The following TYK2 variants were observed in gnomAD, a reference collection of about 807,000 sequenced individuals.
The protein encoded by TYK2 is non-receptor tyrosine-protein kinase TYK2.
In TYK2, 65 loss-of-function variants were observed where a neutral mutation model predicts 130.9. The observed-to-expected ratio is 0.50, with a 90% confidence interval of 0.41 to 0.61. The LOEUF is 0.61. Among genes scored for constraint, TYK2 ranks in the 20% least tolerant of loss-of-function variants. TYK2 has a pLI of 0.00. For missense variants in TYK2, 1,378 were observed against 1,610.7 expected, an observed-to-expected ratio of 0.86 and a Z score of 2.47; for synonymous variants, 647 against 658.9, an observed-to-expected ratio of 0.98 and a Z score of 0.28.
chr19:10,368,114 G>A lies in TYK2; in HGVS notation c.406C>T (p.Gln136Ter). ...AGGAGTTGCATCCCCTGTGCTGTCT[G>A]ATCTGAGGATGCCTCGGTTCCTGGG... Reference protein sequence around the residue: ...GPPGTEASSDQTAQGMQLLDP... With the variant: ...GPPGTEASSD The change falls in exon 5 of 25, where the codon CAG (glutamine) becomes TAG (stop). Residue 136 changes from glutamine to a stop codon, truncating the protein, a stop_gained. Transcript: ENST00000525621. LOFTEE classifies it high-confidence loss of function. 6.2e-7 allele frequency: 1 copy of A among 1,614,088 alleles called. No individual in the cohort carries two copies. The highest frequency in any genetic ancestry group is 8.5e-7 in the Non-Finnish European group (1 of 1,180,022).
intron 9 of TYK2, among the ~76,000 whole-genome samples, chr19:10,363,187 C>CT (rs942594471): frequency 0.12 from 15,307 of 127,636 alleles, 1,107 homozygotes; most frequent in Non-Finnish European, 0.14. Flanking sequence ...CCTGATCTCT[C>CT]TTTTTTTTTT....
At chr19:10,378,837 CTT>C (rs1568347761) in intron 2 of TYK2, among the ~76,000 whole-genome samples, 248 of 17,428 alleles carry the variant, frequency 0.014, no homozygotes, top group South Asian at 0.1. Flanking sequence ...TATTTTATAT[CTT>C]ATCTTATCTT....
chr19:10,352,267 T>G (rs2040845692), intron 23 of TYK2, among the ~76,000 whole-genome samples, 167 bp downstream of exon 23: 1 of 150,932 alleles, frequency 6.6e-6, no homozygotes, highest in Admixed American at 6.6e-5. Flanking sequence ...TAGAGACGGG[T>G]TTCACCGTGT....
intron 14 of TYK2, among the ~76,000 whole-genome samples, chr19:10,360,096 T>A (rs900514023): frequency 3.3e-5 from 5 of 151,264 alleles, no homozygotes; most frequent in African/African-American, 1.2e-4. Context: ...GCAGGAGAAT[T>A]GCTTGAACCC....
chr19:10,362,187 G>A lies in TYK2; in HGVS notation c.1670-6C>T. 6.2e-7 allele frequency: 1 copy of A among 1,614,010 alleles called. No homozygotes were observed. The highest frequency in any genetic ancestry group is 1.1e-5 in the South Asian group (1 of 91,082). On this transcript the variant is annotated splice_polypyrimidine_tract_variant and splice_region_variant and intron_variant, in intron 11 of 24. Transcript: ENST00000525621. The stretch of plus-strand genomic sequence containing the variant: ...GATGATGAGATTGGAGGTTTCTGGG[G>A]GCAGGCATCAAGTCATGGAGGGCGG...
At chr19:10,376,947 G>C (rs2042142400) in intron 3 of TYK2, among the ~76,000 whole-genome samples, 1 of 151,642 alleles carries the variant, frequency 6.6e-6, no homozygotes, top group Non-Finnish European at 1.5e-5. Context: ...TGTCACCCAG[G>C]CTGGAGTGCA....
chr19:10,362,151 G>GC lies in TYK2; in HGVS notation c.1699dup (p.Ala567GlyfsTer19), dbSNP rs766752133. On this transcript the variant is annotated frameshift_variant, in exon 12 of 25. Coordinates refer to ENST00000525621, the MANE Select transcript of TYK2 (RefSeq NM_003331.5). LOFTEE classifies it high-confidence loss of function. Reference sequence around the variant, plus strand: ...GTTGAGTGTCCTGGGGCTGGCCCGAGCCCCCCGCATGATGATGAGATTGGA... The same window carrying GC: ...GTTGAGTGTCCTGGGGCTGGCCCGAGCCCCCCCGCATGATGATGAGATTGGA... The GC allele has an allele frequency of 1.9e-6, 3 of 1,613,984 alleles. No homozygotes were observed. Among genetic ancestry groups the GC allele is most frequent in the African/African-American group, 1.3e-5 (1 of 75,024 alleles).
intron 5 of TYK2, 65 bp downstream of exon 5, chr19:10,367,990 T>C (rs976631956): frequency 5.1e-6 from 8 of 1,583,942 alleles, no homozygotes; most frequent in Non-Finnish European, 6.9e-6. Flanking sequence ...GGGAGGGAAA[T>C]GGGGGCTCCT....
Position 10,354,058 on chromosome 19 carries a change from G to T in TYK2, c.2892C>A (p.Gly964=). 1 of 1,614,108 alleles carries T rather than the reference G, an allele frequency of 6.2e-7. No individual in the cohort carries two copies. Residue 964 remains glycine (G), a synonymous_variant, in exon 20 of 25, where the codon GGC becomes GGA. Coordinates refer to ENST00000525621, the MANE Select transcript of TYK2 (RefSeq NM_003331.5). ...LYHEHIIKYK[G]CCEDQGEKSL... ...CCCGCCCACCTTGGTCCTCGCAGCAGCCCTTGTACTTGATGATGTGCTCGT... is the reference window on the plus strand; with the variant it reads ...CCCGCCCACCTTGGTCCTCGCAGCATCCCTTGTACTTGATGATGTGCTCGT...
chr19:10,359,776 G>A (rs550429408), intron 14 of TYK2, among the ~76,000 whole-genome samples: 48 of 151,862 alleles, frequency 3.2e-4, no homozygotes, highest in African/African-American at 8.9e-4. Flanking sequence ...TCAGGAGTTC[G>A]AGACCAGCCT....
intron 14 of TYK2, 101 bp from the exon 15 acceptor site, chr19:10,359,403 G>A: frequency 1.4e-6 from 2 of 1,422,702 alleles, no homozygotes; most frequent in Non-Finnish European, 1.9e-6. Flanking sequence ...ATGTGGCTGG[G>A]GAGGTGTCAG....
intron 2 of TYK2, among the ~76,000 whole-genome samples, chr19:10,378,833 ATATCTTATCTTATCTTATCT>A (rs58371844): frequency 1.5e-3 from 224 of 148,916 alleles, no homozygotes; most frequent in East Asian, 3.6e-3. Flanking sequence ...GTTTTATTTT[ATATCTTATCTTATCTTATCT>A]TATCTTATCT....
chr19:10,356,519 C>A, intron 18 of TYK2, 49 bp downstream of exon 18: 1 of 1,608,206 alleles, frequency 6.2e-7, no homozygotes, highest in Non-Finnish European at 8.5e-7. Flanking sequence ...AGCAGGGATC[C>A]CAGCCCCGTC....
rs1486882113 is a variant in TYK2 at position 10,356,652 on chromosome 19, TGA to T, written c.2531_2532del (p.Leu844HisfsTer8). Reference protein sequence around the residue: ...PEPSCPQLATLTSQCLTYEPT... With the variant: ...PEPSCPQLATXTSQCLTYEPT... ...GGCTCATAGGTCAGACACTGGCTGGTGAGTGTGGCCAGCTGTGGGCAGGAGGG... is the reference window on the plus strand; with the variant it reads ...GGCTCATAGGTCAGACACTGGCTGGTGTGTGGCCAGCTGTGGGCAGGAGGG... On this transcript the variant is annotated frameshift_variant, in exon 18 of 25. Coordinates refer to ENST00000525621, the MANE Select transcript of TYK2 (RefSeq NM_003331.5). LOFTEE classifies it high-confidence loss of function. 6 of 1,611,316 alleles carry T rather than the reference TGA, an allele frequency of 3.7e-6. No homozygotes were observed. Among genetic ancestry groups the T allele is most frequent in the Non-Finnish European group, 5.1e-6 (6 of 1,179,408 alleles).
intron 14 of TYK2, 60 bp from the exon 15 acceptor site, chr19:10,359,362 A>T: frequency 2.5e-6 from 4 of 1,589,476 alleles, no homozygotes; most frequent in Non-Finnish European, 3.4e-6. Flanking sequence ...GATGGCGGGG[A>T]ATTGGGGGAG....
chr19:10,361,104 C>A lies in TYK2; in HGVS notation c.2047+407G>T. 2.1e-6 allele frequency: 1 copy of A among 486,086 alleles called. No homozygotes were observed. The highest frequency in any genetic ancestry group is 4.0e-6 in the Non-Finnish European group (1 of 248,234). 30.1% of individuals were successfully genotyped at this position (486,086 alleles called of 1,614,324 possible). Reference sequence around the variant, plus strand: ...GAGGAAAGGAAGAGGTGGGGTTAGGCAGGGTTGGATGTGCAGGGGCTGAGG... The same window carrying A: ...GAGGAAAGGAAGAGGTGGGGTTAGGAAGGGTTGGATGTGCAGGGGCTGAGG... On this transcript the variant is annotated intron_variant, in intron 14 of 24. Coordinates refer to ENST00000525621, the MANE Select transcript of TYK2 (RefSeq NM_003331.5). The surrounding 1 kb of genome is among the most constrained non-coding windows in gnomAD (Gnocchi z 4.0).
Position 10,361,465 on chromosome 19 carries a change from AG to A in TYK2, c.2047+45del. ...ACAGATCAGGGAGTGGGTATAAGTC[AG>A]GGGTGGCCTGCCAAAGGGGGATGGG... On this transcript the variant is annotated intron_variant, in intron 14 of 24. Transcript: ENST00000525621. This position sits in a 1 kb window ranked among gnomAD's most constrained non-coding sequence, Gnocchi z 4.0. 1 of 1,532,680 alleles carries A rather than the reference AG, an allele frequency of 6.5e-7. No individual in the cohort carries two copies. The allele number at this position is 1,532,680 out of a possible 1,614,324, so 94.9% of individuals were successfully genotyped here.
rs749285407 is a variant in TYK2 at position 10,364,785 on chromosome 19, G to A, written c.1210-14C>T. ...CAAGCTCAGCTCCTGCCAGCCAGGG[G>A]CGCATCAGGTGGGTGTCCTCCCAGG... On this transcript the variant is annotated splice_polypyrimidine_tract_variant and intron_variant, in intron 8 of 24. Transcript: ENST00000525621. This position sits in a 1 kb window ranked among gnomAD's most constrained non-coding sequence, Gnocchi z 4.9. The A allele has an allele frequency of 1.9e-6, 3 of 1,614,016 alleles. No homozygotes were observed. The highest frequency in any genetic ancestry group is 1.7e-5 in the Admixed American group (1 of 60,030).
At chr19:10,357,688 G>A (rs1296525211) in intron 17 of TYK2, 76 bp downstream of exon 17, 2 of 1,541,956 alleles carry the variant, frequency 1.3e-6, no homozygotes, top group East Asian at 2.4e-5. Context: ...ATGCAGCTTT[G>A]AGCTCTGATT....
Sources: allele counts gnomAD v4.1 joint callset (sites outside exome capture counted in the v4.1 genomes callset), GRCh38; gene constraint gnomAD v4.1.1; non-coding constraint Gnocchi (gnomAD v3.1); transcripts MANE v1.5; gene names NCBI Gene and HGNC (gene_info 2026-07-23, HGNC 2026-07-21).